The following NEDD9 variants were observed in gnomAD, a reference collection of about 807,000 sequenced individuals.
NEDD9 encodes enhancer of filamentation 1.
NEDD9 carries 26 observed loss-of-function variants against 76.6 expected under a neutral mutation model. The observed-to-expected ratio is 0.34, with a 90% confidence interval of 0.25 to 0.47. NEDD9 has a LOEUF of 0.47. Ranked by LOEUF, NEDD9 falls within the 20% of genes least tolerant of loss-of-function variation. The pLI is 1.00. For missense variants in NEDD9, 937 were observed against 1,058.5 expected (o/e 0.89, Z 1.59); for synonymous variants, 392 against 414.2 (o/e 0.95, Z 0.65).
chr6:11,242,567 C>A (rs191433366), intron 3 of NEDD9, among the ~76,000 whole-genome samples: 122 of 150,992 alleles, frequency 8.1e-4, no homozygotes, highest in Admixed American at 1.6e-3. Context: ...AAGTCATCAC[C>A]TGTGCAGTTC....
chr6:11,277,092 T>C lies in NEDD9; in HGVS notation c.12+28900A>G, dbSNP rs1581994818. ...GCATCTGGAAGTGACTAATTTTCAT[T>C]TGTAATATGGTGCAGTGGCAAAGCA... On this transcript the variant is annotated intron_variant, in intron 3 of 3. Transcript: ENST00000397378. 1.3e-5 allele frequency among the ~76,000 whole-genome samples: 2 copies of C among 152,260 alleles called. 1 individual carries two copies. The highest frequency in any genetic ancestry group is 2.9e-5 in the Non-Finnish European group (2 of 68,018).
intron 3 of NEDD9, among the ~76,000 whole-genome samples, chr6:11,304,722 T>C (rs1358851263): frequency 2.6e-5 from 4 of 152,088 alleles, no homozygotes; most frequent in Non-Finnish European, 4.4e-5. Flanking sequence ...AACCAAACAT[T>C]GCATGTTCTC....
chr6:11,326,146 CA>C (rs113503681), intron 2 of NEDD9, among the ~76,000 whole-genome samples: 15,542 of 89,744 alleles, frequency 0.17, 1,105 homozygotes, highest in African/African-American at 0.3. Context: ...AACCTCATCT[CA>C]AAAAAAAAAA....
At chr6:11,318,389 C>A (rs147760408) in intron 2 of NEDD9, among the ~76,000 whole-genome samples, 1 of 151,922 alleles carries the variant, frequency 6.6e-6, no homozygotes, top group Non-Finnish European at 1.5e-5. Context: ...AGGTGTGGAG[C>A]GGGGGATGAG....
intron 1 of NEDD9, among the ~76,000 whole-genome samples, chr6:11,344,621 T>G (rs1418160355): frequency 2.0e-5 from 3 of 152,218 alleles, no homozygotes; most frequent in African/African-American, 7.2e-5. Context: ...TGATCTCTAC[T>G]GCACCTAGAT....
intron 2 of NEDD9, chr6:11,334,363 GA>G (rs1762106929): frequency 6.6e-6 from 1 of 152,136 alleles, no homozygotes; most frequent in African/African-American, 2.4e-5. Context: ...TTTGTCATCT[GA>G]AAAATAACAC....
intron 1 of NEDD9, among the ~76,000 whole-genome samples, chr6:11,353,269 A>G (rs1159299291): frequency 1.3e-5 from 2 of 152,190 alleles, no homozygotes; most frequent in African/African-American, 2.4e-5. Flanking sequence ...ATGTGACTTT[A>G]TTTGGAAATA....
chr6:11,253,757 G>A (rs10947067), intron 3 of NEDD9, among the ~76,000 whole-genome samples: 47,797 of 152,064 alleles, frequency 0.31, 7,910 homozygotes, highest in East Asian at 0.55. Context: ...ATATGTGAAT[G>A]CAACATCAGG....
intron 1 of NEDD9, among the ~76,000 whole-genome samples, chr6:11,341,397 A>G (rs1337893695): frequency 6.6e-6 from 1 of 152,108 alleles, no homozygotes; most frequent in Non-Finnish European, 1.5e-5. Context: ...AATCTGTGCA[A>G]AGACAAAGCC....
chr6:11,344,720 C>A (rs1210696432), intron 1 of NEDD9, among the ~76,000 whole-genome samples: 1 of 152,216 alleles, frequency 6.6e-6, no homozygotes, highest in Non-Finnish European at 1.5e-5. Flanking sequence ...CTCCTGTGTC[C>A]ATCATGAGCA....
At chr6:11,296,679 C>CCCTT (rs529125193) in intron 3 of NEDD9, among the ~76,000 whole-genome samples, 13,165 of 92,364 alleles carry the variant, frequency 0.14, 1,083 homozygotes, top group Non-Finnish European at 0.18. Flanking sequence ...CCTTTCCTTT[C>CCCTT]CCTTCCTTCC....
intron 3 of NEDD9, among the ~76,000 whole-genome samples, chr6:11,302,392 A>G (rs1225495992): frequency 1.3e-5 from 2 of 152,218 alleles, no homozygotes; most frequent in Admixed American, 1.3e-4. Context: ...CCAACCAAAA[A>G]AAGTCCAGGA....
rs1031531795 is a variant in NEDD9, at chr6:11,232,606, G to C, written c.-91C>G. 1.9e-6 allele frequency: 3 copies of C among 1,608,098 alleles called. No homozygotes were observed. Among genetic ancestry groups the C allele is most frequent in the Admixed American group, 1.7e-5 (1 of 59,626 alleles). On this transcript the variant is annotated 5_prime_UTR_variant, in exon 1 of 7. The change creates a new upstream start codon in the 5' untranslated region. Coordinates refer to ENST00000379446, the MANE Select transcript of NEDD9 (RefSeq NM_006403.4). Reference sequence around the variant, plus strand: ...CGCCCCTCCATTGAGTGCAGCGCTAGATGAAAGCGAGAAGGTCCCGGGCAG... The same window carrying C: ...CGCCCCTCCATTGAGTGCAGCGCTACATGAAAGCGAGAAGGTCCCGGGCAG...
chr6:11,230,282 CTCTT>C (rs557922135), intron 1 of NEDD9, among the ~76,000 whole-genome samples: 11 of 152,330 alleles, frequency 7.2e-5, no homozygotes, highest in African/African-American at 2.6e-4. Context: ...TCAACGATAG[CTCTT>C]TCTCTTTCTC....
At chr6:11,199,786 G>T (rs1232310005) in intron 2 of NEDD9, 1 of 151,768 alleles carries the variant, frequency 6.6e-6, no homozygotes, top group Admixed American at 6.6e-5. Flanking sequence ...TCAGCCTTCC[G>T]AGTAGCTGGG....
rs184151877 is a variant in NEDD9, at chr6:11,368,129, G to A, written c.-214+14010C>T. On this transcript the variant is annotated intron_variant, in intron 1 of 3. Coordinates refer to the NEDD9 transcript ENST00000397378. ...TACTGTGCGCAGTCTGGCCCTCAGT[G>A]GCTTCTCCCCTTGCCCTTGGGCCCT... Among the ~76,000 whole-genome samples, 400 of 152,280 alleles carry A rather than the reference G, an allele frequency of 2.6e-3. 2 individuals carry two copies. Among genetic ancestry groups the A allele is most frequent in the African/African-American group, 9.3e-3 (388 of 41,550 alleles).
At chr6:11,222,644 G>C (rs888309946) in intron 1 of NEDD9, among the ~76,000 whole-genome samples, 1 of 152,354 alleles carries the variant, frequency 6.6e-6, no homozygotes, top group African/African-American at 2.4e-5. Context: ...CATGTTCCAT[G>C]ATGAGGTACA....
At chr6:11,365,460 AC>A (rs2113560828) in intron 1 of NEDD9, among the ~76,000 whole-genome samples, 1 of 152,062 alleles carries the variant, frequency 6.6e-6, no homozygotes, top group African/African-American at 2.4e-5. Flanking sequence ...CCTCATCTTC[AC>A]CCTACACTCC....
Position 11,213,580 on chromosome 6 carries a change from T to C in NEDD9, c.160A>G (p.Ile54Val), listed in dbSNP as rs911524232. The C allele has an allele frequency of 6.2e-7, 1 of 1,614,058 alleles. No individual in the cohort carries two copies. The highest frequency in any genetic ancestry group is 1.3e-5 in the African/African-American group (1 of 74,916). The change falls in exon 2 of 7, where the codon ATT (isoleucine) becomes GTT (valine). Residue 54 changes from isoleucine to valine, a missense_variant. Ile to Val is a conservative substitution (Grantham distance 29, BLOSUM62 3). Transcript: ENST00000379446. The surrounding 1 kb of genome is among the most constrained non-coding windows in gnomAD (Gnocchi z 5.4). Reference sequence around the variant, plus strand: ...AGCTTCACCCGGTTGCCTGGGACAATGCCTTGCCGACCGTGTAATGAGCAC... The same window carrying C: ...AGCTTCACCCGGTTGCCTGGGACAACGCCTTGCCGACCGTGTAATGAGCAC... ...WLCSLHGRQG[I>V]VPGNRVKLLI...
Sources: gnomAD v4.1 joint callset for allele counts (sites outside exome capture counted in the v4.1 genomes callset) on GRCh38, gnomAD v4.1.1 for gene constraint, Gnocchi (gnomAD v3.1) non-coding constraint, MANE v1.5 for transcripts, NCBI Gene and HGNC (gene_info 2026-07-23, HGNC 2026-07-21) for gene names.